Variants in SIM1 observed in about 807,000 individuals in gnomAD.
The protein encoded by SIM1 is SIM bHLH transcription factor 1.
A neutral mutation model predicts 78.2 loss-of-function variants in SIM1; 18 were observed. That is an observed-to-expected ratio of 0.23 (90% CI 0.16 to 0.34). The LOEUF (loss-of-function observed/expected upper bound fraction) is 0.34. Ranked by LOEUF, SIM1 falls within the 10% of genes least tolerant of loss-of-function variation. SIM1 has a pLI of 1.00. For missense variants in SIM1, 939 were observed against 975.1 expected (o/e 0.96, Z 0.49); for synonymous variants, 417 against 385.2 (o/e 1.08, Z -0.97).
chr6:100,392,099 G>A (rs574236894), intron 11 of SIM1, among the ~76,000 whole-genome samples: 154 of 152,218 alleles, frequency 1.0e-3, no homozygotes, highest in African/African-American at 3.5e-3. Flanking sequence ...GCTTGAACCC[G>A]GGAGGCAGAG....
At chr6:100,426,122 T>A (rs1012444041) in intron 9 of SIM1, among the ~76,000 whole-genome samples, 25 of 152,304 alleles carry the variant, frequency 1.6e-4, no homozygotes, top group African/African-American at 5.8e-4. Flanking sequence ...AAAGTTACAT[T>A]TTTTTCTCCC....
At chr6:100,409,077 T>C (rs1771127081) in intron 10 of SIM1, among the ~76,000 whole-genome samples, 1 of 152,170 alleles carries the variant, frequency 6.6e-6, no homozygotes, top group South Asian at 2.1e-4. Flanking sequence ...TGATTTAATC[T>C]CCTTACACAT....
rs578067866 is a variant in SIM1 at position 100,418,076 on chromosome 6, A to G, written c.1167+2714T>C. ...TAGAAGAAAGAACAATTTTGGAGAG[A>G]AAAAATGAAAAATGGGCACTTGGGA... is the stretch of plus-strand genomic sequence containing the variant. On this transcript the variant is annotated intron_variant, in intron 10 of 11. Transcript: ENST00000369208. 1.5e-3 allele frequency among the ~76,000 whole-genome samples: 223 copies of G among 152,324 alleles called. 1 individual carries two copies. Among genetic ancestry groups the G allele is most frequent in the Non-Finnish European group, 2.3e-3 (156 of 68,026 alleles).
chr6:100,393,111 AC>A (rs1311848947), intron 11 of SIM1, among the ~76,000 whole-genome samples: 1 of 152,184 alleles, frequency 6.6e-6, no homozygotes, highest in Non-Finnish European at 1.5e-5. Flanking sequence ...ATTGAGAAAC[AC>A]TGCTATGACC....
intron 2 of SIM1, among the ~76,000 whole-genome samples, chr6:100,458,171 G>C (rs1772738183): frequency 2.6e-5 from 4 of 152,074 alleles, no homozygotes; most frequent in Admixed American, 2.6e-4. Flanking sequence ...CGAAAAGACG[G>C]CAGAAACCCA....
chr6:100,451,988 G>A (rs1414726921), intron 3 of SIM1, among the ~76,000 whole-genome samples: 5 of 152,178 alleles, frequency 3.3e-5, no homozygotes, highest in Non-Finnish European at 7.3e-5. Context: ...GGCTGGTGTT[G>A]GGTGAGATTA....
rs1299881351 is a variant in SIM1 at position 100,412,459 on chromosome 6, C to T, written c.1167+8331G>A. 3.3e-5 allele frequency among the ~76,000 whole-genome samples: 5 copies of T among 150,846 alleles called. No individual in the cohort carries two copies. In the East Asian group the frequency reaches 9.8e-4, roughly 29 times the overall value. On this transcript the variant is annotated intron_variant, in intron 10 of 11. Transcript: ENST00000369208. ...GACTGAGGCAGGAGAATTGCTTGAA[C>T]CCAGGAGGCAGAGTTTACAGTGAGC...
rs1770541337 is a variant in SIM1, at chr6:100,387,429, A to G, written c.*2932T>C. On this transcript the variant is annotated 3_prime_UTR_variant, in exon 12 of 12. Coordinates refer to ENST00000369208, the MANE Select transcript of SIM1 (RefSeq NM_005068.3). Reference sequence around the variant, plus strand: ...TGCACAGAACAAAATAATGTAGATTATAAACACATTTTAACACATTCACAT... The same window carrying G: ...TGCACAGAACAAAATAATGTAGATTGTAAACACATTTTAACACATTCACAT... 1 of 152,126 alleles carries G rather than the reference A, an allele frequency of 6.6e-6. No homozygotes were observed. Among genetic ancestry groups the G allele is most frequent in the Admixed American group, 6.5e-5 (1 of 15,272 alleles). 9.4% of individuals were successfully genotyped at this position (152,126 alleles called of 1,614,324 possible).
intron 2 of SIM1, among the ~76,000 whole-genome samples, chr6:100,458,011 T>TCTCTCC (rs1562064160): frequency 0.052 from 514 of 9,848 alleles, 44 homozygotes; most frequent in Non-Finnish European, 0.13. Context: ...TCTCTTTCTC[T>TCTCTCC]CTCTCTCTCT....
At chr6:100,413,538 C>A (rs541056664) in intron 10 of SIM1, among the ~76,000 whole-genome samples, 1 of 152,050 alleles carries the variant, frequency 6.6e-6, no homozygotes, top group Admixed American at 6.6e-5. Context: ...AAAACTAATG[C>A]GACTAAATCT....
Position 100,391,068 on chromosome 6 carries a change from T to C in SIM1, c.1594A>G (p.Ser532Gly), listed in dbSNP as rs577130647. Residue 532 changes from serine to glycine, a missense_variant, in exon 12 of 12, where the codon AGT (serine) becomes GGT (glycine). This residue lies in a region of SIM1 where 556 missense variants were observed against 521.9 expected (regional missense o/e 1.07). Transcript: ENST00000369208. ...CCAGGGTCTGGAGAACTGACCACAC[T>C]ATCTTCATCCCAATGACCTCGCCCT... ...IHGRGHWDED[S>G]VVSSPDPGSA... 9 of 1,603,228 alleles carry C rather than the reference T, an allele frequency of 5.6e-6. No individual in the cohort carries two copies. The South Asian group carries it at 1.0e-4, about 18-fold the overall frequency.
At chr6:100,458,022 CTCT>C (rs1772725784) in intron 2 of SIM1, among the ~76,000 whole-genome samples, 1 of 23,912 alleles carries the variant, frequency 4.2e-5, no homozygotes, top group Non-Finnish European at 1.0e-4. Context: ...CTCTCTCTCT[CTCT>C]CTCTCTCTCT....
intron 10 of SIM1, among the ~76,000 whole-genome samples, chr6:100,394,537 G>T (rs758441802): frequency 6.6e-6 from 1 of 152,072 alleles, no homozygotes; most frequent in South Asian, 2.1e-4. Flanking sequence ...TCCTGAGTAG[G>T]TGAGATCACA....
intron 2 of SIM1, among the ~76,000 whole-genome samples, chr6:100,458,013 TCTCTCTCTCTCTC>T (rs1562064209): frequency 0.056 from 699 of 12,392 alleles, 14 homozygotes; most frequent in Admixed American, 0.22. Context: ...TCTTTCTCTC[TCTCTCTCTCTCTC>T]TCTCTCTCTC....
rs763060645 is a variant in SIM1 at position 100,391,089 on chromosome 6, G to C, written c.1573C>G (p.Arg525Gly). The C allele has an allele frequency of 3.2e-6, 5 of 1,565,272 alleles. No homozygotes were observed. The highest frequency in any genetic ancestry group is 4.3e-6 in the Non-Finnish European group (5 of 1,159,530). Residue 525 changes from arginine (R) to glycine (G), a missense_variant and splice_region_variant, in exon 12 of 12, where the codon CGA (arginine) becomes GGA (glycine). Coordinates refer to ENST00000369208, the MANE Select transcript of SIM1 (RefSeq NM_005068.3). ...HIASVHRIHG[R>G]GHWDEDSVVS... The stretch of plus-strand genomic sequence containing the variant: ...ACACTATCTTCATCCCAATGACCTC[G>C]CCCTAAAAATTAGAAAAAGTCAAAA...
intron 9 of SIM1, among the ~76,000 whole-genome samples, chr6:100,424,600 T>C (rs775250816): frequency 1.6e-4 from 25 of 151,774 alleles, no homozygotes; most frequent in Non-Finnish European, 2.6e-4. Flanking sequence ...CATGCTCAAC[T>C]GATTTTTTTT....
intron 10 of SIM1, among the ~76,000 whole-genome samples, chr6:100,399,915 TA>T (rs1770864251): frequency 6.6e-6 from 1 of 151,728 alleles, no homozygotes; most frequent in East Asian, 1.9e-4. Flanking sequence ...AAGGCAAACA[TA>T]AACAAGGCAA....
Position 100,448,367 on chromosome 6 carries a change from A to T in SIM1, c.743+112T>A, listed in dbSNP as rs3213541. 1.3e-3 allele frequency: 1,847 copies of T among 1,389,558 alleles called. 19 individuals are homozygous for T. In the African/African-American group the frequency reaches 0.02, roughly 15 times the overall value. The allele number at this position is 1,389,558 out of a possible 1,614,324, so 86.1% of individuals were successfully genotyped here. A position where few individuals can be genotyped will look rare whatever the true frequency, so the allele number is the denominator to read the frequency against. ...TGTCCGCCCTCACTTTCCAGGGCCGATTCAGTCGCCTCATGTGCAAAATGG... is the reference window on the plus strand; with the variant it reads ...TGTCCGCCCTCACTTTCCAGGGCCGTTTCAGTCGCCTCATGTGCAAAATGG... On this transcript the variant is annotated intron_variant, in intron 7 of 11. Transcript: ENST00000369208.
chr6:100,412,621 AAGG>A (rs1562239720), intron 10 of SIM1, among the ~76,000 whole-genome samples: 2 of 96,692 alleles, frequency 2.1e-5, no homozygotes, highest in African/African-American at 7.1e-5. Flanking sequence ...GGAAAGAAAG[AAGG>A]AAAGAAAGAA....
Sources: allele counts gnomAD v4.1 joint callset (sites outside exome capture counted in the v4.1 genomes callset), GRCh38; gene constraint gnomAD v4.1.1; regional missense constraint gnomAD v4.1.1; transcripts MANE v1.5; gene names NCBI Gene and HGNC (gene_info 2026-07-23, HGNC 2026-07-21).